Variants in JMJD1C observed in about 807,000 individuals in gnomAD.
The protein encoded by JMJD1C is jumonji domain containing 1C, also known as jumonji domain-containing protein 1C.
In JMJD1C, 31 loss-of-function variants were observed where a neutral mutation model predicts 245.3. The observed-to-expected ratio is 0.13, with a 90% CI of 0.09 to 0.17. The LOEUF (loss-of-function observed/expected upper bound fraction) is 0.17, where lower values mean the gene tolerates loss of function less well. Ranked by LOEUF, JMJD1C falls within the 10% of genes least tolerant of loss-of-function variation. The pLI is 1.00. For synonymous variants in JMJD1C, 1,057 were observed against 1,017.4 expected, an observed-to-expected ratio of 1.04 and a Z score of -0.74; for missense variants, 2,691 against 3,000.2, an observed-to-expected ratio of 0.90 and a Z score of 2.41.
intron 4 of JMJD1C, among the ~76,000 whole-genome samples, chr10:63,218,598 C>T (rs1222535600): frequency 1.3e-5 from 2 of 152,070 alleles, no homozygotes; most frequent in Non-Finnish European, 2.9e-5. Context: ...CTGGTTTGTT[C>T]CCACTACTTA....
At chr10:63,254,699 TTTTTTTG>T (rs1853606362) in intron 3 of JMJD1C, among the ~76,000 whole-genome samples, 1 of 90,442 alleles carries the variant, frequency 1.1e-5, no homozygotes. Flanking sequence ...CCGCAAAAGT[TTTTTTTG>T]TTTTTTGTTT....
At chr10:63,354,857 C>CAA (rs148651978) in intron 2 of JMJD1C, among the ~76,000 whole-genome samples, 6,316 of 94,850 alleles carry the variant, frequency 0.067, 362 homozygotes, top group East Asian at 0.3. Context: ...TCTACTTTAA[C>CAA]AAAAAAAAAA....
intron 3 of JMJD1C, among the ~76,000 whole-genome samples, chr10:63,226,741 A>AG (rs1273387530): frequency 7.1e-6 from 1 of 139,966 alleles, no homozygotes; most frequent in Admixed American, 7.1e-5. Context: ...AAAAAGAGAG[A>AG]GAGAAGGACA....
chr10:63,477,910 G>A (rs1953713661), intron 1 of JMJD1C, among the ~76,000 whole-genome samples: 1 of 151,900 alleles, frequency 6.6e-6, no homozygotes, highest in African/African-American at 2.4e-5. Context: ...TTAAAAATTG[G>A]GCAAAATATT....
Position 63,344,633 on chromosome 10 carries a change from G to C in JMJD1C, c.333+35685C>G, listed in dbSNP as rs530614263. On this transcript the variant is annotated intron_variant, in intron 2 of 25. Coordinates refer to ENST00000399262, the MANE Select transcript of JMJD1C (RefSeq NM_032776.3). ...ATCTTTTGCTACAGACTGGTAGAAG[G>C]CCATGTATCTGAAAGAGGACATACA... Among the ~76,000 whole-genome samples, 153 of 152,152 alleles carry C rather than the reference G, an allele frequency of 1.0e-3. 1 individual carries two copies. The highest frequency in any genetic ancestry group is 3.6e-3 in the African/African-American group (148 of 41,516).
At chr10:63,168,297 A>G (rs1842031702) in intron 25 of JMJD1C, 138 bp downstream of exon 25, 3 of 1,006,294 alleles carry the variant, frequency 3.0e-6, no homozygotes, top group Non-Finnish European at 4.4e-6. Context: ...TCATACAATT[A>G]AATACATGTT....
intron 1 of JMJD1C, among the ~76,000 whole-genome samples, chr10:63,492,527 G>A (rs908699591): frequency 2.6e-5 from 4 of 151,672 alleles, no homozygotes; most frequent in East Asian, 1.9e-4. Flanking sequence ...TTAGCTGGGC[G>A]TGGTGGCGTG....
intron 8 of JMJD1C, among the ~76,000 whole-genome samples, chr10:63,211,414 C>T (rs1334282782): frequency 6.8e-6 from 1 of 147,356 alleles, no homozygotes; most frequent in Non-Finnish European, 1.5e-5. Flanking sequence ...TGCAGTGAGC[C>T]AAGACTGTAT....
intron 1 of JMJD1C, among the ~76,000 whole-genome samples, chr10:63,484,251 T>C (rs1373520164): frequency 1.0e-4 from 2 of 19,640 alleles, no homozygotes; most frequent in African/African-American, 1.5e-4. Flanking sequence ...GATAGATAGA[T>C]AGATAGATAG....
chr10:63,400,863 C>T (rs1230846081), intron 1 of JMJD1C, among the ~76,000 whole-genome samples: 2 of 151,944 alleles, frequency 1.3e-5, no homozygotes, highest in Non-Finnish European at 2.9e-5. Context: ...TAAGCCACCA[C>T]ATCCAGCCCT....
intron 1 of JMJD1C, among the ~76,000 whole-genome samples, chr10:63,451,088 G>C (rs1273205217): frequency 6.6e-6 from 1 of 151,820 alleles, no homozygotes; most frequent in Non-Finnish European, 1.5e-5. Context: ...TAATACGTAA[G>C]AAACCAAGGA....
At chr10:63,277,582 T>G (rs1023876817) in intron 2 of JMJD1C, among the ~76,000 whole-genome samples, 3 of 151,976 alleles carry the variant, frequency 2.0e-5, no homozygotes, top group African/African-American at 7.3e-5. Context: ...AAAAAAGATA[T>G]TTTGGGGATG....
intron 1 of JMJD1C, among the ~76,000 whole-genome samples, chr10:63,402,720 C>T (rs1031459755): frequency 3.3e-5 from 5 of 152,144 alleles, no homozygotes; most frequent in Non-Finnish European, 7.3e-5. Flanking sequence ...TAGATTCTCA[C>T]CACTCGATTT....
intron 1 of JMJD1C, among the ~76,000 whole-genome samples, chr10:63,405,487 A>G (rs988418643): frequency 6.6e-6 from 1 of 151,722 alleles, no homozygotes; most frequent in African/African-American, 2.4e-5. Context: ...AGCTCAGCTA[A>G]TTTTTTTGTA....
chr10:63,507,456 C>A (rs2133271249), intron 1 of JMJD1C, among the ~76,000 whole-genome samples: 1 of 151,820 alleles, frequency 6.6e-6, no homozygotes, highest in East Asian at 1.9e-4. Flanking sequence ...CCAGCCTGGC[C>A]AACATGGTGA....
intron 1 of JMJD1C, among the ~76,000 whole-genome samples, chr10:63,504,295 AAAC>A (rs1280571969): frequency 2.0e-5 from 3 of 152,194 alleles, no homozygotes; most frequent in Non-Finnish European, 4.4e-5. Context: ...AGGAAACAGA[AAAC>A]AACAACAGCA....
Position 63,173,484 on chromosome 10 carries a change from G to GGC in JMJD1C, c.7401+2811_7401+2812dup, listed in dbSNP as rs1842584019. On this transcript the variant is annotated intron_variant, in intron 24 of 25. Coordinates refer to ENST00000399262, the MANE Select transcript of JMJD1C (RefSeq NM_032776.3). Reference sequence around the variant, plus strand: ...TGCCTACAATCCCAACACTTTGGGAGGCCAAGGCAGGAAGATTGCCTGAGC... The same window carrying GGC: ...TGCCTACAATCCCAACACTTTGGGAGGCGCCAAGGCAGGAAGATTGCCTGAGC... 2.6e-5 allele frequency among the ~76,000 whole-genome samples: 4 copies of GGC among 152,320 alleles called. 1 individual carries two copies. The South Asian group carries it at 8.3e-4, about 32-fold the overall frequency.
chr10:63,459,430 A>G (rs191650730), intron 1 of JMJD1C, among the ~76,000 whole-genome samples: 145 of 152,316 alleles, frequency 9.5e-4, no homozygotes, highest in Admixed American at 2.5e-3. Context: ...AATATTAACG[A>G]TGTATCTCTC....
At chr10:63,212,416 C>G (rs7920159) in intron 8 of JMJD1C, among the ~76,000 whole-genome samples, 101,647 of 152,096 alleles carry the variant, frequency 0.67, 36,447 homozygotes, top group Non-Finnish European at 0.81. Flanking sequence ...GTTGTCTCCT[C>G]GGAGTTTAAA....
Sources: allele counts gnomAD v4.1 joint callset (sites outside exome capture counted in the v4.1 genomes callset), GRCh38; gene constraint gnomAD v4.1.1; transcripts MANE v1.5; gene names NCBI Gene and HGNC (gene_info 2026-07-23, HGNC 2026-07-21).